Variants in ADAM10 observed in about 807,000 individuals in gnomAD.
ADAM10 encodes ADAM metallopeptidase domain 10.
Under a neutral mutation model 90.1 loss-of-function variants are expected in ADAM10, and 17 were observed. The observed-to-expected ratio is 0.19, with a 90% CI of 0.13 to 0.28. ADAM10 has a LOEUF of 0.28. Among genes scored for constraint, ADAM10 ranks in the 10% least tolerant of loss-of-function variants. The probability of loss-of-function intolerance (pLI) is 1.00; values close to 1 mark genes in which losing one functional copy is unlikely to be tolerated. For missense variants in ADAM10, 610 were observed against 914.3 expected (o/e 0.67, Z 4.29); for synonymous variants, 310 against 298.6 (o/e 1.04, Z -0.40).
In ADAM10 at chr15:58,732,036, A is replaced by C. The variant is rs566587187; in HGVS notation, c.56-14309T>G. ...ATCTGCAGATCCTACATGTCAAAGA[A>C]GGTTTTCACTAGCAGGAAGGGTGGA... On this transcript the variant is annotated intron_variant, in intron 1 of 15. Coordinates refer to ENST00000260408, the MANE Select transcript of ADAM10 (RefSeq NM_001110.4). 4.6e-5 allele frequency among the ~76,000 whole-genome samples: 7 copies of C among 152,192 alleles called. No homozygotes were observed. The South Asian group carries it at 1.5e-3, about 32-fold the overall frequency.
intron 5 of ADAM10, among the ~76,000 whole-genome samples, chr15:58,664,707 C>T (rs2140728088): frequency 6.6e-6 from 1 of 152,172 alleles, no homozygotes; most frequent in Non-Finnish European, 1.5e-5. Context: ...TTTTTATTAA[C>T]ATGACCAACC....
intron 2 of ADAM10, among the ~76,000 whole-genome samples, chr15:58,689,943 G>GCCCC (rs748136828): frequency 1.2e-5 from 1 of 80,106 alleles, no homozygotes; most frequent in Non-Finnish European, 2.1e-5. Context: ...ACCAAAGACA[G>GCCCC]ACCCCCCCCA....
At chr15:58,693,466 T>C (rs1164537052) in intron 2 of ADAM10, among the ~76,000 whole-genome samples, 3 of 152,132 alleles carry the variant, frequency 2.0e-5, no homozygotes, top group Non-Finnish European at 4.4e-5. Flanking sequence ...TCTCAACATA[T>C]ATAGATCATG....
rs1439600742 is a variant in ADAM10, at chr15:58,596,202, TA to T, written c.*1344del. 16 of 152,188 alleles carry T rather than the reference TA, an allele frequency of 1.1e-4. No homozygotes were observed. Among genetic ancestry groups the T allele is most frequent in the African/African-American group, 3.6e-4 (15 of 41,458 alleles). The allele number at this position is 152,188 out of a possible 1,614,324, so 9.4% of individuals were successfully genotyped here. ...AGCTTTACTTCTAGTTGAAGTGATG[TA>T]GTTGGAAAACAGAAGCAATAAATAT... On this transcript the variant is annotated 3_prime_UTR_variant, in exon 16 of 16. Transcript: ENST00000260408.
chr15:58,610,390 C>T lies in ADAM10; in HGVS notation c.1932G>A (p.Arg644=), dbSNP rs757941493. The stretch of plus-strand genomic sequence containing the variant: ...GACCATCAGCATCTACTAATCTGCA[C>T]CGCATGAAAACATCACAGTAACCTC... The part of the protein sequence containing the change: ...DFRGYCDVFM[R]CRLVDADGPL... Residue 644 remains arginine, a synonymous_variant, in exon 14 of 16, where the codon CGG becomes CGA. Transcript: ENST00000260408. The T allele has an allele frequency of 3.7e-6, 6 of 1,614,180 alleles. No homozygotes were observed. The highest frequency in any genetic ancestry group is 4.2e-6 in the Non-Finnish European group (5 of 1,180,038).
At chr15:58,602,506 A>G (rs1437213565) in intron 14 of ADAM10, among the ~76,000 whole-genome samples, 1 of 151,958 alleles carries the variant, frequency 6.6e-6, no homozygotes, top group African/African-American at 2.4e-5. Flanking sequence ...TAGCTCCCCA[A>G]CTTTGGCGTG....
intron 2 of ADAM10, among the ~76,000 whole-genome samples, chr15:58,685,314 A>C (rs1376959351): frequency 1.3e-5 from 2 of 151,066 alleles, no homozygotes; most frequent in Non-Finnish European, 3.0e-5. Context: ...ACAAAAAATT[A>C]GCCGGGCGTG....
chr15:58,705,505 T>C (rs1343350066), intron 2 of ADAM10, among the ~76,000 whole-genome samples: 1 of 152,202 alleles, frequency 6.6e-6, no homozygotes, highest in Non-Finnish European at 1.5e-5. Context: ...TCCCTAGTCT[T>C]AGTGCTCTGA....
At chr15:58,636,181 G>A (rs1896244947) in intron 8 of ADAM10, among the ~76,000 whole-genome samples, 1 of 151,910 alleles carries the variant, frequency 6.6e-6, no homozygotes, top group Non-Finnish European at 1.5e-5. Flanking sequence ...GGAGGCTGAG[G>A]CAGGGGAATC....
At chr15:58,657,957 A>G (rs1253854195) in intron 5 of ADAM10, among the ~76,000 whole-genome samples, 5 of 151,370 alleles carry the variant, frequency 3.3e-5, no homozygotes, top group Non-Finnish European at 5.9e-5. Context: ...TTTATCAGAG[A>G]CATTGTGGAC....
chr15:58,718,212 C>T (rs534268026), intron 1 of ADAM10, among the ~76,000 whole-genome samples: 1 of 151,842 alleles, frequency 6.6e-6, no homozygotes, highest in South Asian at 2.1e-4. Context: ...GGAACAAATG[C>T]TTATTTCTGT....
chr15:58,625,883 G>A (rs1895926243), intron 10 of ADAM10, among the ~76,000 whole-genome samples: 1 of 152,194 alleles, frequency 6.6e-6, no homozygotes, highest in Non-Finnish European at 1.5e-5. Context: ...GAATTATGTT[G>A]AGTGAGAAAA....
At chr15:58,709,605 T>C (rs992296226) in intron 2 of ADAM10, among the ~76,000 whole-genome samples, 5 of 151,984 alleles carry the variant, frequency 3.3e-5, no homozygotes, top group Admixed American at 1.3e-4. Flanking sequence ...CCAGGTGTCG[T>C]GGTGCACACC....
intron 5 of ADAM10, among the ~76,000 whole-genome samples, chr15:58,659,134 G>A (rs527776980): frequency 3.9e-5 from 6 of 151,992 alleles, no homozygotes; most frequent in African/African-American, 1.2e-4. Flanking sequence ...TTAGGTGGGC[G>A]TGGTGGTGCG....
intron 14 of ADAM10, among the ~76,000 whole-genome samples, chr15:58,601,710 C>T (rs771148766): frequency 6.6e-6 from 1 of 152,170 alleles, no homozygotes; most frequent in Non-Finnish European, 1.5e-5. Flanking sequence ...AGTTCAGAAT[C>T]GTGTGCTATA....
intron 5 of ADAM10, among the ~76,000 whole-genome samples, chr15:58,648,946 G>C (rs1896620731): frequency 6.6e-6 from 1 of 151,708 alleles, no homozygotes; most frequent in Admixed American, 6.6e-5. Context: ...CATCTTTTCT[G>C]CATCCTTATA....
chr15:58,698,787 T>A (rs1898050971), intron 2 of ADAM10, among the ~76,000 whole-genome samples: 1 of 152,006 alleles, frequency 6.6e-6, no homozygotes, highest in South Asian at 2.1e-4. Flanking sequence ...ACAGCATACA[T>A]GACATGTAGA....
At chr15:58,655,682 ATATATTATATATAG>A (rs1896793783) in intron 5 of ADAM10, among the ~76,000 whole-genome samples, 1 of 89,726 alleles carries the variant, frequency 1.1e-5, no homozygotes, top group Non-Finnish European at 1.9e-5. Flanking sequence ...ACATACATAT[ATATATTATATATAG>A]TATATATATA....
rs547642543 is a variant in ADAM10 at position 58,646,352 on chromosome 15, C to A, written c.586-148G>T. 3.7e-6 allele frequency: 3 copies of A among 817,796 alleles called. No individual in the cohort carries two copies. The East Asian group carries it at 8.1e-5, about 22-fold the overall frequency. The allele number at this position is 817,796 out of a possible 1,614,324, so 50.7% of individuals were successfully genotyped here. A position where few individuals can be genotyped will look rare whatever the true frequency, so the allele number is the denominator to read the frequency against. On this transcript the variant is annotated intron_variant, in intron 5 of 15. Transcript: ENST00000260408. ...CTGCCATTAAAAGTTCATAAAATCA[C>A]TTTGTCTCATAATCTTCTCCATATA...
Sources: allele counts gnomAD v4.1 joint callset (sites outside exome capture counted in the v4.1 genomes callset), GRCh38; gene constraint gnomAD v4.1.1; transcripts MANE v1.5; gene names NCBI Gene and HGNC (gene_info 2026-07-23, HGNC 2026-07-21).